ZNF723: variants seen among roughly 807,000 people sequenced by gnomAD.
The protein encoded by ZNF723 is zinc finger protein 723, pseudogene.
In ZNF723, 5 loss-of-function variants were observed where a neutral mutation model predicts 9.4. That is an observed-to-expected ratio of 0.53 (90% CI 0.28 to 1.12). The LOEUF is 1.12. Ranked by LOEUF, ZNF723 falls within the 50% of genes most tolerant of loss-of-function variation. The probability of loss-of-function intolerance (pLI) is 0.10; values close to 1 mark genes in which losing one functional copy is unlikely to be tolerated. For missense variants in ZNF723, 450 were observed against 501.5 expected, an observed-to-expected ratio of 0.90 and a Z score of 0.98; for synonymous variants, 158 against 168.8, an observed-to-expected ratio of 0.94 and a Z score of 0.49.
rs1166983782 is a variant in ZNF723 at position 22,858,124 on chromosome 19, C to G, written c.1233C>G (p.Ala411=). The change falls in exon 4 of 4, where the codon GCC becomes GCG. Residue 411 remains alanine (A), a synonymous_variant. Coordinates refer to ENST00000600766, the MANE Select transcript of ZNF723 (RefSeq NM_001349726.2). The stretch of plus-strand genomic sequence containing the variant: ...GCAAAGCCTTTAACCAATCCTCAGC[C>G]CTTACTACACATAAGATAATTCATA... ...ECGKAFNQSS[A]LTTHKIIHTG... 3 of 1,445,444 alleles carry G rather than the reference C, an allele frequency of 2.1e-6. No individual in the cohort carries two copies. The highest frequency in any genetic ancestry group is 3.3e-5 in the Admixed American group (2 of 59,752). The allele number at this position is 1,445,444 out of a possible 1,614,324, so 89.5% of individuals were successfully genotyped here.
At chr19:22,819,110 G>A in the ZNF723 span, among the ~76,000 whole-genome samples, 1 of 152,112 alleles carries the variant, frequency 6.6e-6, no homozygotes, top group South Asian at 2.1e-4. Context: ...AGGCTCAACA[G>A]CAAGGTGATG....
intron 1 of ZNF723, among the ~76,000 whole-genome samples, chr19:22,836,106 G>C (rs1405787009): frequency 6.6e-6 from 1 of 152,130 alleles, no homozygotes; most frequent in Non-Finnish European, 1.5e-5. Context: ...TCCAAGCTAA[G>C]GCTAATATTG....
intron 1 of ZNF723, among the ~76,000 whole-genome samples, chr19:22,834,009 A>T (rs149717216): frequency 0.016 from 1,940 of 123,206 alleles, 24 homozygotes; most frequent in Non-Finnish European, 0.021. Context: ...TCCGCCTCCC[A>T]GGCTCAAGTG....
chr19:22,819,589 A>T, the ZNF723 span, among the ~76,000 whole-genome samples: 6 of 152,308 alleles, frequency 3.9e-5, no homozygotes, highest in East Asian at 1.2e-3. Context: ...ATCTAGGGTG[A>T]TTTTGACATA....
intron 1 of ZNF723, among the ~76,000 whole-genome samples, chr19:22,833,082 A>AT (rs946516346): frequency 1.3e-4 from 20 of 150,412 alleles, no homozygotes; most frequent in South Asian, 8.4e-4. Context: ...TTTGAGTTAG[A>AT]TTTTTTTTTT....
At chr19:22,847,826 CGTG>C (rs1355431164) in intron 1 of ZNF723, among the ~76,000 whole-genome samples, 1 of 151,812 alleles carries the variant, frequency 6.6e-6, no homozygotes, top group Non-Finnish European at 1.5e-5. Context: ...TTCGGCCAGG[CGTG>C]GTGTCTCACA....
the ZNF723 span, among the ~76,000 whole-genome samples, chr19:22,813,446 G>A: frequency 3.3e-5 from 5 of 152,176 alleles, no homozygotes; most frequent in Admixed American, 1.3e-4. Context: ...TTATCACTGG[G>A]CCTTGCATCC....
At chr19:22,836,795 A>G (rs945379712) in intron 1 of ZNF723, among the ~76,000 whole-genome samples, 4 of 152,172 alleles carry the variant, frequency 2.6e-5, no homozygotes, top group Admixed American at 1.3e-4. Context: ...CACAAAAAGG[A>G]TAGAGAATTT....
the ZNF723 span, among the ~76,000 whole-genome samples, chr19:22,822,596 C>T: frequency 5.3e-5 from 8 of 152,128 alleles, no homozygotes; most frequent in Non-Finnish European, 1.2e-4. Flanking sequence ...GGGGCAGTGG[C>T]GCATGCCTGT....
intron 3 of ZNF723, among the ~76,000 whole-genome samples, chr19:22,850,146 A>G (rs1599478863): frequency 1.3e-5 from 2 of 151,978 alleles, no homozygotes; most frequent in Admixed American, 6.6e-5. Context: ...GGCTATTCAA[A>G]GTTTATTGAA....
intron 1 of ZNF723, among the ~76,000 whole-genome samples, chr19:22,834,088 G>GT (rs891879064): frequency 6.6e-6 from 1 of 151,310 alleles, no homozygotes; most frequent in African/African-American, 2.4e-5. Context: ...GCTAATTTTT[G>GT]TATTTTTAGT....
rs139348875 is a variant in ZNF723, at chr19:22,848,240, G to A, written c.4-21G>A. 6.1e-4 allele frequency: 562 copies of A among 924,866 alleles called. 5 individuals are homozygous for A. In the African/African-American group the frequency reaches 8.7e-3, roughly 14 times the overall value. 57.3% of individuals were successfully genotyped at this position (924,866 alleles called of 1,614,324 possible). A position where few individuals can be genotyped will look rare whatever the true frequency, so the allele number is the denominator to read the frequency against. ...CCACCCGGTAAATATGTGTGTATGTGTGTGTGTGTTTTTTTTTCAGGGACC... is the reference window on the plus strand; with the variant it reads ...CCACCCGGTAAATATGTGTGTATGTATGTGTGTGTTTTTTTTTCAGGGACC... On this transcript the variant is annotated intron_variant, in intron 1 of 3. Transcript: ENST00000600766.
rs1967519084 is a variant in ZNF723 at position 22,858,565 on chromosome 19, C to T, written c.*132C>T. On this transcript the variant is annotated 3_prime_UTR_variant, in exon 4 of 4. Coordinates refer to ENST00000600766, the MANE Select transcript of ZNF723 (RefSeq NM_001349726.2). ...GGCAGATCACCTGAGGTCAGGAGTTCGAGACCAACCTAACATGGTGAAACA... is the reference window on the plus strand; with the variant it reads ...GGCAGATCACCTGAGGTCAGGAGTTTGAGACCAACCTAACATGGTGAAACA... 6 of 533,376 alleles carry T rather than the reference C, an allele frequency of 1.1e-5. No individual in the cohort carries two copies. Among genetic ancestry groups the T allele is most frequent in the South Asian group, 3.1e-5 (1 of 31,904 alleles). The allele number at this position is 533,376 out of a possible 1,614,324, so 33.0% of individuals were successfully genotyped here. A position where few individuals can be genotyped will look rare whatever the true frequency, so the allele number is the denominator to read the frequency against.
At chr19:22,813,514 T>C in the ZNF723 span, among the ~76,000 whole-genome samples, 945 of 152,232 alleles carry the variant, frequency 6.2e-3, 9 homozygotes, top group Non-Finnish European at 5.7e-3. Context: ...GATATATTCC[T>C]GGGTCCCAAA....
intron 1 of ZNF723, among the ~76,000 whole-genome samples, chr19:22,839,632 C>A: frequency 6.6e-6 from 1 of 151,912 alleles, no homozygotes; most frequent in East Asian, 1.9e-4. Context: ...TGCCACCATG[C>A]CTGGCTAATA....
chr19:22,820,448 C>T, the ZNF723 span, among the ~76,000 whole-genome samples: 1 of 152,088 alleles, frequency 6.6e-6, no homozygotes. Flanking sequence ...CTTCCGGGTC[C>T]CTTCTCTCAG....
At chr19:22,828,283 T>C (rs943985072), upstream of ZNF723, among the ~76,000 whole-genome samples, 1 of 152,066 alleles carries the variant, frequency 6.6e-6, no homozygotes, top group African/African-American at 2.4e-5. Context: ...ATAATGGAAA[T>C]TGAGAGTGCC....
intron 2 of ZNF723, 100 bp from the exon 3 acceptor site, chr19:22,849,098 T>G (rs914132713): frequency 2.4e-6 from 1 of 417,144 alleles, no homozygotes; most frequent in Admixed American, 4.1e-5. Flanking sequence ...ATTACTGTTT[T>G]GGGATGAATA....
chr19:22,820,132 C>A, the ZNF723 span, among the ~76,000 whole-genome samples: 52,058 of 151,846 alleles, frequency 0.34, 9,036 homozygotes, highest in African/African-American at 0.41. Flanking sequence ...CTGGGCCCAA[C>A]ACCTAGGGGT....
Sources: allele counts gnomAD v4.1 joint callset (sites outside exome capture counted in the v4.1 genomes callset), GRCh38; gene constraint gnomAD v4.1.1; transcripts MANE v1.5; gene names NCBI Gene and HGNC (gene_info 2026-07-23, HGNC 2026-07-21).